Variants in CEP112 observed in about 807,000 individuals in gnomAD.
The protein encoded by CEP112 is centrosomal protein 112.
A neutral mutation model predicts 153.0 loss-of-function variants in CEP112; 127 were observed. That is an observed-to-expected ratio of 0.83 (90% CI 0.72 to 0.96). The LOEUF (loss-of-function observed/expected upper bound fraction) is 0.96. Ranked by LOEUF, CEP112 falls within the 40% of genes least tolerant of loss-of-function variation. CEP112 has a pLI of 0.00. For missense variants in CEP112, 1,089 were observed against 1,101.2 expected (o/e 0.99, Z 0.16); for synonymous variants, 358 against 374.4 (o/e 0.96, Z 0.51).
At chr17:66,091,504 A>G (rs2068129535) in intron 8 of CEP112, among the ~76,000 whole-genome samples, 1 of 152,132 alleles carries the variant, frequency 6.6e-6, no homozygotes, top group Admixed American at 6.5e-5. Context: ...TGAAAATAAA[A>G]ACACAACATA....
intron 4 of CEP112, among the ~76,000 whole-genome samples, chr17:66,167,476 G>A (rs941848299): frequency 1.3e-5 from 2 of 152,020 alleles, no homozygotes; most frequent in Non-Finnish European, 2.9e-5. Flanking sequence ...ATGAAACTGG[G>A]GTTTAGAGAA....
At chr17:65,870,818 T>C (rs2058649324) in intron 20 of CEP112, among the ~76,000 whole-genome samples, 1 of 152,250 alleles carries the variant, frequency 6.6e-6, no homozygotes, top group Non-Finnish European at 1.5e-5. Context: ...TATTTGGCCT[T>C]CGAAGAAGAA....
intron 4 of CEP112, among the ~76,000 whole-genome samples, chr17:66,172,462 C>T (rs760269216): frequency 1.3e-5 from 2 of 152,110 alleles, no homozygotes; most frequent in African/African-American, 2.4e-5. Context: ...TAACTGACAA[C>T]GAATGCCTCA....
At chr17:65,981,563 GGTTTTTGATTTTTTTGTTTGTTT>G (rs1302442628) in intron 17 of CEP112, among the ~76,000 whole-genome samples, 1 of 108,608 alleles carries the variant, frequency 9.2e-6, no homozygotes, top group Non-Finnish European at 2.1e-5. Flanking sequence ...TCTCAGTCGT[GGTTTTTGATTTTTTTGTTTGTTT>G]GTTTTTGAAA....
chr17:65,843,973 A>G (rs1252553211), intron 21 of CEP112, among the ~76,000 whole-genome samples: 2 of 152,204 alleles, frequency 1.3e-5, no homozygotes, highest in East Asian at 1.9e-4. Context: ...TGCCACAAAG[A>G]TAAGGGTTTT....
intron 12 of CEP112, among the ~76,000 whole-genome samples, chr17:66,039,255 T>C (rs2065873237): frequency 6.6e-6 from 1 of 152,172 alleles, no homozygotes; most frequent in Non-Finnish European, 1.5e-5. Context: ...TCTACTGACA[T>C]AAGAAGTCAG....
chr17:66,094,578 C>T (rs1035823921), intron 8 of CEP112, among the ~76,000 whole-genome samples: 1 of 152,076 alleles, frequency 6.6e-6, no homozygotes, highest in African/African-American at 2.4e-5. Flanking sequence ...AGCTCCATGA[C>T]ATTGCTCTGG....
chr17:65,956,933 A>G (rs1001181216), intron 18 of CEP112, among the ~76,000 whole-genome samples: 7 of 152,038 alleles, frequency 4.6e-5, no homozygotes, highest in East Asian at 1.9e-4. Flanking sequence ...TATATGCACT[A>G]TGGTTTTTGC....
chr17:66,041,867 A>G (rs963313461), intron 12 of CEP112, among the ~76,000 whole-genome samples: 3 of 152,222 alleles, frequency 2.0e-5, no homozygotes, highest in African/African-American at 4.8e-5. Context: ...ATTTATATAG[A>G]TACCCCACCC....
At chr17:66,135,799 C>T (rs1357533262) in intron 4 of CEP112, among the ~76,000 whole-genome samples, 1 of 151,906 alleles carries the variant, frequency 6.6e-6, no homozygotes. Context: ...AAAATATAAA[C>T]TTATCCCTGT....
chr17:65,971,597 ATATTGTGTG>A (rs2062824884), intron 17 of CEP112, among the ~76,000 whole-genome samples: 1 of 54,172 alleles, frequency 1.8e-5, no homozygotes. Flanking sequence ...ACATGCATGC[ATATTGTGTG>A]CATATTATAT....
intron 16 of CEP112, among the ~76,000 whole-genome samples, chr17:66,013,115 T>C (rs1011036358): frequency 5.7e-5 from 7 of 122,912 alleles, no homozygotes; most frequent in African/African-American, 1.8e-4. Flanking sequence ...ATATTTCATA[T>C]CCTATATTAT....
chr17:65,729,080 TTTTTA>T (rs2144966076), intron 23 of CEP112, among the ~76,000 whole-genome samples: 1 of 152,344 alleles, frequency 6.6e-6, no homozygotes, highest in South Asian at 2.1e-4. Context: ...TAAAAATTTA[TTTTTA>T]TTTGACAGAT....
chr17:65,867,542 C>T (rs1297023037), intron 20 of CEP112, among the ~76,000 whole-genome samples: 3 of 152,038 alleles, frequency 2.0e-5, no homozygotes, highest in African/African-American at 4.8e-5. Context: ...TGTAAAGTCA[C>T]ATAAATGTAT....
At chr17:65,674,485 G>C (rs1172807849) in intron 24 of CEP112, among the ~76,000 whole-genome samples, 1 of 152,198 alleles carries the variant, frequency 6.6e-6, no homozygotes, top group Non-Finnish European at 1.5e-5. Context: ...TCTTTTAACA[G>C]TTTCACACAC....
At chr17:66,015,886 C>T (rs1431963564) in intron 16 of CEP112, among the ~76,000 whole-genome samples, 1 of 152,064 alleles carries the variant, frequency 6.6e-6, no homozygotes, top group African/African-American at 2.4e-5. Context: ...TACTGGTTTT[C>T]TATTTTCTGC....
chr17:65,857,931 G>C (rs2058180019), intron 20 of CEP112, among the ~76,000 whole-genome samples: 1 of 152,168 alleles, frequency 6.6e-6, no homozygotes, highest in African/African-American at 2.4e-5. Flanking sequence ...GATGGTTATA[G>C]GATGATTCAC....
intron 17 of CEP112, among the ~76,000 whole-genome samples, chr17:65,993,031 C>T (rs773180749): frequency 2.4e-4 from 36 of 152,152 alleles, no homozygotes; most frequent in Non-Finnish European, 1.2e-4. Flanking sequence ...CACCCATCAA[C>T]CCGTCACCTA....
At chr17:65,673,794 A>C (rs1254179076) in intron 24 of CEP112, among the ~76,000 whole-genome samples, 1 of 152,240 alleles carries the variant, frequency 6.6e-6, no homozygotes, top group Non-Finnish European at 1.5e-5. Context: ...TAAAAAATTA[A>C]AAGATAAGCA....
Sources: gnomAD v4.1 joint callset for allele counts (sites outside exome capture counted in the v4.1 genomes callset) on GRCh38, gnomAD v4.1.1 for gene constraint, MANE v1.5 for transcripts, NCBI Gene and HGNC (gene_info 2026-07-23, HGNC 2026-07-21) for gene names.